Variants in RBFOX3 observed in about 807,000 individuals in gnomAD.
RBFOX3 encodes the protein RNA binding protein fox-1 homolog 3.
In RBFOX3, 17 loss-of-function variants were observed where a neutral mutation model predicts 48.7. The ratio of observed to expected loss-of-function variants is 0.35; its 90% CI spans 0.24 to 0.52. The LOEUF (loss-of-function observed/expected upper bound fraction) is 0.52, where lower values mean the gene tolerates loss of function less well. Ranked by LOEUF, RBFOX3 falls within the 20% of genes least tolerant of loss-of-function variation. RBFOX3 has a pLI of 0.94. For synonymous variants in RBFOX3, 212 were observed against 209.5 expected, an observed-to-expected ratio of 1.01 and a Z score of -0.10; for missense variants, 382 against 497.5, an observed-to-expected ratio of 0.77 and a Z score of 2.21.
chr17:79,485,274 G>A (rs2079399416), intron 1 of RBFOX3, among the ~76,000 whole-genome samples: 2 of 152,190 alleles, frequency 1.3e-5, no homozygotes, highest in Non-Finnish European at 2.9e-5. Flanking sequence ...TGGAAACAGA[G>A]TCCATCCCTG....
chr17:79,237,524 G>A (rs2061777023), intron 3 of RBFOX3, among the ~76,000 whole-genome samples: 1 of 152,242 alleles, frequency 6.6e-6, no homozygotes, highest in Non-Finnish European at 1.5e-5. Flanking sequence ...CCCACAGGTG[G>A]AAAGAAGTAC....
At chr17:79,599,661 G>C (rs2093657336) in intron 1 of RBFOX3, 1 of 152,280 alleles carries the variant, frequency 6.6e-6, no homozygotes, top group Non-Finnish European at 1.5e-5. Context: ...CAGCTGCAGA[G>C]GCAAAGGGCT....
the RBFOX3 span, among the ~76,000 whole-genome samples, chr17:79,662,465 C>T: frequency 1.3e-5 from 2 of 152,032 alleles, no homozygotes; most frequent in South Asian, 2.1e-4. Context: ...GATCCAGCAC[C>T]ACAGGTTGCT....
At chr17:79,106,407 G>A (rs3809711) in intron 6 of RBFOX3, among the ~76,000 whole-genome samples, 16,607 of 151,818 alleles carry the variant, frequency 0.11, 1,257 homozygotes, top group African/African-American at 0.21. Context: ...AGGGGCAGCC[G>A]CAACAGATCC....
chr17:79,329,069 G>A (rs147685659), intron 2 of RBFOX3, among the ~76,000 whole-genome samples: 48 of 152,240 alleles, frequency 3.2e-4, no homozygotes, highest in Admixed American at 6.5e-4. Flanking sequence ...GGAGGAGGCT[G>A]GATACAGAAA....
At chr17:79,664,905 A>G in the RBFOX3 span, among the ~76,000 whole-genome samples, 4 of 152,224 alleles carry the variant, frequency 2.6e-5, no homozygotes, top group African/African-American at 7.2e-5. Context: ...TAATGTCCTC[A>G]GGGTTCATCC....
chr17:79,548,752 T>C (rs2090825608), intron 1 of RBFOX3, among the ~76,000 whole-genome samples: 2 of 152,222 alleles, frequency 1.3e-5, no homozygotes, highest in Non-Finnish European at 2.9e-5. Flanking sequence ...TGGGCATGCG[T>C]TGCATGTACT....
chr17:79,407,542 G>C (rs1106221), intron 2 of RBFOX3, among the ~76,000 whole-genome samples: 8,141 of 152,316 alleles, frequency 0.053, 323 homozygotes, highest in Non-Finnish European at 0.074. Flanking sequence ...AATTTGGCTG[G>C]AGAGCAAGAC....
the RBFOX3 span, among the ~76,000 whole-genome samples, chr17:79,657,360 GCTGGATT>G: frequency 1.3e-5 from 2 of 152,216 alleles, no homozygotes; most frequent in African/African-American, 2.4e-5. Context: ...CAACTCTGAG[GCTGGATT>G]CTAGAAGTGA....
chr17:79,433,444 AC>A (rs782636333), intron 2 of RBFOX3, among the ~76,000 whole-genome samples: 40 of 152,172 alleles, frequency 2.6e-4, no homozygotes, highest in East Asian at 1.2e-3. Context: ...GTATTACTCC[AC>A]CCTGTGACAT....
chr17:79,579,653 T>C (rs2092981652), intron 1 of RBFOX3, among the ~76,000 whole-genome samples: 1 of 151,574 alleles, frequency 6.6e-6, no homozygotes, highest in Non-Finnish European at 1.5e-5. Context: ...CAGAATGTGG[T>C]CAGGTGGCTC....
intron 4 of RBFOX3, among the ~76,000 whole-genome samples, chr17:79,156,108 TG>T: frequency 6.6e-6 from 1 of 152,068 alleles, no homozygotes; most frequent in Non-Finnish European, 1.5e-5. Flanking sequence ...CTGACACACT[TG>T]GGGGTGACGG....
At chr17:79,475,038 A>G (rs2077532922) in intron 2 of RBFOX3, among the ~76,000 whole-genome samples, 1 of 152,140 alleles carries the variant, frequency 6.6e-6, no homozygotes, top group Non-Finnish European at 1.5e-5. Flanking sequence ...CTCCTGTGAC[A>G]AAAGTGTGCG....
At chr17:79,171,902 T>A (rs924565476) in intron 4 of RBFOX3, among the ~76,000 whole-genome samples, 4 of 149,102 alleles carry the variant, frequency 2.7e-5, no homozygotes, top group Non-Finnish European at 5.9e-5. Flanking sequence ...CTGGGTGCGG[T>A]GGCTCACGCC....
Position 79,106,907 on chromosome 17 carries a change from C to T in RBFOX3, c.223-119G>A, listed in dbSNP as rs1013990204. 10 of 1,308,690 alleles carry T rather than the reference C, an allele frequency of 7.6e-6. No individual in the cohort carries two copies. In the African/African-American group the frequency reaches 1.4e-4, roughly 19 times the overall value. 81.1% of individuals were successfully genotyped at this position (1,308,690 alleles called of 1,614,324 possible). On this transcript the variant is annotated intron_variant, in intron 5 of 14. Coordinates refer to ENST00000693108, the MANE Select transcript of RBFOX3 (RefSeq NM_001350451.2). ...TCTCCCCACCCTTCTGGGCCTCTCC[C>T]CCATCCCTGGGCTGGGATCCTTGGC...
rs886111953 is a variant in RBFOX3 at position 79,308,721 on chromosome 17, C to A, written c.-174-897G>T. The stretch of plus-strand genomic sequence containing the variant: ...TTCATAAGAGTGTCTGTCTCTCTCT[C>A]TCTCCTCTCTCTCCACCCACCCACC... On this transcript the variant is annotated intron_variant, in intron 2 of 14. Coordinates refer to ENST00000693108, the MANE Select transcript of RBFOX3 (RefSeq NM_001350451.2). 2.6e-5 allele frequency among the ~76,000 whole-genome samples: 4 copies of A among 152,116 alleles called. No homozygotes were observed. In the South Asian group the frequency reaches 8.3e-4, roughly 32 times the overall value.
At chr17:79,166,186 CCAGA>C (rs1412508243) in intron 4 of RBFOX3, among the ~76,000 whole-genome samples, 1 of 152,212 alleles carries the variant, frequency 6.6e-6, no homozygotes, top group Non-Finnish European at 1.5e-5. Context: ...AACCTTGGCC[CCAGA>C]CAAACTGGAG....
intron 3 of RBFOX3, among the ~76,000 whole-genome samples, chr17:79,294,160 A>C (rs1465577671): frequency 6.6e-6 from 1 of 152,228 alleles, no homozygotes; most frequent in Non-Finnish European, 1.5e-5. Context: ...ATTCCTCTCC[A>C]ACAAGCCGCT....
intron 4 of RBFOX3, among the ~76,000 whole-genome samples, chr17:79,216,696 C>A (rs1369527861): frequency 1.3e-5 from 2 of 152,140 alleles, no homozygotes; most frequent in African/African-American, 2.4e-5. Flanking sequence ...CCCTGTCCTG[C>A]CAGCAAATAT....
Sources: allele counts gnomAD v4.1 joint callset (sites outside exome capture counted in the v4.1 genomes callset), GRCh38; gene constraint gnomAD v4.1.1; transcripts MANE v1.5; gene names NCBI Gene and HGNC (gene_info 2026-07-23, HGNC 2026-07-21).